EFHB: variants seen among roughly 807,000 people sequenced by gnomAD.
The protein encoded by EFHB is EF-hand domain family member B.
A neutral mutation model predicts 87.2 loss-of-function variants in EFHB; 91 were observed. The observed-to-expected ratio is 1.04, with a 90% CI of 0.88 to 1.24. EFHB has a LOEUF of 1.24. EFHB is among the 50% of genes most tolerant of loss of function. EFHB has a pLI of 0.00. For missense variants in EFHB, 1,084 were observed against 998.8 expected (o/e 1.09, Z -1.15); for synonymous variants, 325 against 333.6 (o/e 0.97, Z 0.28).
intron 7 of EFHB, 149 bp downstream of exon 7, chr3:19,899,283 A>C: frequency 1.8e-6 from 1 of 562,080 alleles, no homozygotes; most frequent in Non-Finnish European, 2.9e-6. Flanking sequence ...CAAATTCTAT[A>C]GATATTAACA....
intron 1 of EFHB, among the ~76,000 whole-genome samples, chr3:19,929,911 T>A (rs1461713849): frequency 6.6e-6 from 1 of 152,130 alleles, no homozygotes; most frequent in Non-Finnish European, 1.5e-5. Context: ...CAACTCAGGC[T>A]CTCAAATAGG....
At chr3:19,884,644 T>C in intron 10 of EFHB, 29 bp from the exon 11 acceptor site, 1 of 1,599,048 alleles carries the variant, frequency 6.3e-7, no homozygotes, top group Middle Eastern at 1.7e-4. Context: ...AAAGAAAAAA[T>C]GCAGGAATAC....
At chr3:19,926,158 G>A (rs1364278576) in intron 1 of EFHB, among the ~76,000 whole-genome samples, 1 of 151,638 alleles carries the variant, frequency 6.6e-6, no homozygotes, top group East Asian at 1.9e-4. Context: ...TAGCTGTCAG[G>A]TTCTACTAGT....
chr3:19,935,808 G>A (rs541204744), upstream of EFHB, among the ~76,000 whole-genome samples: 33 of 151,820 alleles, frequency 2.2e-4, 1 homozygote, highest in Admixed American at 1.8e-3. Context: ...TCAGGAGTTC[G>A]AGACCATCCT....
At chr3:19,881,014 A>C (rs547588480) in intron 12 of EFHB, among the ~76,000 whole-genome samples, 188 of 152,342 alleles carry the variant, frequency 1.2e-3, no homozygotes, top group African/African-American at 4.4e-3. Context: ...ACAATTAAAA[A>C]ATCCCCTAGA....
chr3:19,936,122 T>A (rs1559478411), upstream of EFHB: 2 of 1,475,220 alleles, frequency 1.4e-6, no homozygotes, highest in Admixed American at 2.3e-5. Context: ...TGTGTAGGGG[T>A]CTGGACATAG....
chr3:19,922,594 G>A (rs1695473506), intron 1 of EFHB, among the ~76,000 whole-genome samples: 1 of 152,194 alleles, frequency 6.6e-6, no homozygotes, highest in African/African-American at 2.4e-5. Flanking sequence ...CAGCAGCCAG[G>A]AGTTAAGCCA....
chr3:19,933,701 T>C lies in EFHB; in HGVS notation c.318A>G (p.Pro106=). The change falls in exon 1 of 13, where the codon CCA becomes CCG. Residue 106 remains proline (P), a synonymous_variant. Coordinates refer to ENST00000295824, the MANE Select transcript of EFHB (RefSeq NM_144715.4). ...ASQGTKPSLL[P]GRMGLENESL... ...TCTCATTTTCTAACCCCATTCTTCC[T>C]GGCAACAGAGAAGGTTTTGTTCCCT... The C allele has an allele frequency of 6.2e-7, 1 of 1,614,020 alleles. No homozygotes were observed. Among genetic ancestry groups the C allele is most frequent in the East Asian group, 2.2e-5 (1 of 44,880 alleles).
At chr3:19,942,797 C>T (rs1367686454) in intron 1 of EFHB, among the ~76,000 whole-genome samples, 3 of 152,070 alleles carry the variant, frequency 2.0e-5, no homozygotes, top group Non-Finnish European at 2.9e-5. Flanking sequence ...AATGCTGCCA[C>T]TGATCTGACA....
intron 5 of EFHB, among the ~76,000 whole-genome samples, chr3:19,911,545 G>A (rs1270020852): frequency 6.6e-6 from 1 of 151,954 alleles, no homozygotes; most frequent in Non-Finnish European, 1.5e-5. Flanking sequence ...GCAACAGAGT[G>A]AGACTCCATT....
At chr3:19,885,482 C>G (rs987502958) in intron 10 of EFHB, among the ~76,000 whole-genome samples, 1 of 152,168 alleles carries the variant, frequency 6.6e-6, no homozygotes, top group Non-Finnish European at 1.5e-5. Flanking sequence ...GTAAGACTGT[C>G]CTCTTTTGCA....
In EFHB at chr3:19,890,488, C is replaced by G. The variant is rs144308543; in HGVS notation, c.1726-1837G>C. 5.5e-3 allele frequency among the ~76,000 whole-genome samples: 834 copies of G among 152,248 alleles called. 5 individuals are homozygous for G. The highest frequency in any genetic ancestry group is 0.02 in the African/African-American group (812 of 41,556). ...GAATTCAGTTAATGGGGTTTGGGCA[C>G]AGTTTGCAGAGAAGAATTAAAGATA... On this transcript the variant is annotated intron_variant, in intron 9 of 12. Transcript: ENST00000295824.
intron 1 of EFHB, among the ~76,000 whole-genome samples, chr3:19,941,897 T>C (rs1392052513): frequency 7.1e-6 from 1 of 141,244 alleles, no homozygotes; most frequent in African/African-American, 2.8e-5. Context: ...CTCACACCTG[T>C]AATCCCAGCA....
rs376781644 is a variant in EFHB, at chr3:19,919,832, C to T, written c.996+1G>A. ...ACAAGGAAAAAAAGAAAATAACTTA[C>T]CAGTACTGAAATTTTAGATCTAATT... On this transcript the variant is annotated splice_donor_variant, in intron 3 of 12. Transcript: ENST00000295824. LOFTEE classifies it high-confidence loss of function. 5.6e-6 allele frequency: 9 copies of T among 1,610,308 alleles called. No homozygotes were observed. The highest frequency in any genetic ancestry group is 1.1e-5 in the South Asian group (1 of 90,724).
chr3:19,901,029 G>A (rs1442395723), intron 6 of EFHB, among the ~76,000 whole-genome samples: 1 of 151,990 alleles, frequency 6.6e-6, no homozygotes, highest in Non-Finnish European at 1.5e-5. Flanking sequence ...AGTTGTGGAG[G>A]GTAATTAAAT....
rs544578268 is a variant in EFHB at position 19,890,578 on chromosome 3, T to C, written c.1726-1927A>G. 3.3e-5 allele frequency among the ~76,000 whole-genome samples: 5 copies of C among 152,354 alleles called. No homozygotes were observed. The East Asian group carries it at 9.6e-4, about 29-fold the overall frequency. ...AATTGGTATTGATGCTTTCCATGTC[T>C]GTAGAGTGAATGTTCATATGTGACA... is the stretch of plus-strand genomic sequence containing the variant. On this transcript the variant is annotated intron_variant, in intron 9 of 12. Coordinates refer to ENST00000295824, the MANE Select transcript of EFHB (RefSeq NM_144715.4).
intron 1 of EFHB, among the ~76,000 whole-genome samples, chr3:19,929,556 A>C (rs1303403728): frequency 2.0e-5 from 3 of 151,836 alleles, no homozygotes; most frequent in African/African-American, 4.8e-5. Context: ...AAAAATACAA[A>C]AAATTAGCCG....
At chr3:19,884,341 T>C in intron 11 of EFHB, 62 bp downstream of exon 11, 1 of 1,473,406 alleles carries the variant, frequency 6.8e-7, no homozygotes, top group Non-Finnish European at 9.3e-7. Context: ...CAGGGGACAA[T>C]GCAAGGACAG....
upstream of EFHB, among the ~76,000 whole-genome samples, chr3:19,938,980 C>T (rs970049093): frequency 4.5e-4 from 69 of 152,128 alleles, no homozygotes; most frequent in African/African-American, 1.5e-3. Context: ...AATCTTGGCT[C>T]ACTGCAACCT....
Sources: allele counts gnomAD v4.1 joint callset (sites outside exome capture counted in the v4.1 genomes callset), GRCh38; gene constraint gnomAD v4.1.1; transcripts MANE v1.5; gene names NCBI Gene and HGNC (gene_info 2026-07-23, HGNC 2026-07-21).